Variants in OGDH observed in about 807,000 individuals in gnomAD.
OGDH encodes oxoglutarate dehydrogenase.
In OGDH, 38 loss-of-function variants were observed where a neutral mutation model predicts 116.6. The observed-to-expected ratio is 0.33, with a 90% CI of 0.25 to 0.43. The LOEUF (loss-of-function observed/expected upper bound fraction) is 0.43, where lower values mean the gene tolerates loss of function less well. Among genes scored for constraint, OGDH ranks in the 20% least tolerant of loss-of-function variants. The probability of loss-of-function intolerance (pLI) is 1.00; values close to 1 mark genes in which losing one functional copy is unlikely to be tolerated. For synonymous variants in OGDH, 488 were observed against 533.3 expected (o/e 0.92, Z 1.17); for missense variants, 825 against 1,357.2 (o/e 0.61, Z 6.16).
chr7:44,623,791 A>T (rs564806813), intron 1 of OGDH, among the ~76,000 whole-genome samples: 80 of 152,248 alleles, frequency 5.3e-4, no homozygotes, highest in African/African-American at 1.9e-3. Context: ...GTCTACAGGC[A>T]TGCACCACCA....
intron 2 of OGDH, among the ~76,000 whole-genome samples, chr7:44,634,294 G>A (rs537903048): frequency 3.0e-4 from 45 of 152,328 alleles, no homozygotes; most frequent in African/African-American, 1.0e-3. Flanking sequence ...TACTCCCCAC[G>A]CCATTACCTT....
At chr7:44,696,616 G>C (rs1788592280) in intron 14 of OGDH, 59 bp downstream of exon 14, 1 of 1,600,320 alleles carries the variant, frequency 6.2e-7, no homozygotes, top group East Asian at 2.2e-5. Context: ...GGCGACGACT[G>C]TCTAGGACTG....
intron 8 of OGDH, 25 bp downstream of exon 8, chr7:44,675,293 TC>T: frequency 6.3e-7 from 1 of 1,590,198 alleles, no homozygotes; most frequent in Non-Finnish European, 8.6e-7. Context: ...TAGAGACACA[TC>T]CAGCATAGCC....
At chr7:44,668,522 G>A (rs1406567596) in intron 5 of OGDH, among the ~76,000 whole-genome samples, 1 of 152,220 alleles carries the variant, frequency 6.6e-6, no homozygotes, top group East Asian at 1.9e-4. Context: ...CAGCATCTCA[G>A]CTTGGAGCTG....
intron 2 of OGDH, among the ~76,000 whole-genome samples, chr7:44,644,808 TCAC>T (rs1198363033): frequency 1.3e-5 from 2 of 152,224 alleles, no homozygotes; most frequent in African/African-American, 4.8e-5. Context: ...CCTGGGCTCT[TCAC>T]AGGTTGTGCT....
At position 44,695,119 on chromosome 7, in the gene OGDH, G is replaced by A. The variant is rs140501347; in HGVS notation, c.1668+543G>A. Among the ~76,000 whole-genome samples the A allele has an allele frequency of 9.6e-3, 1,457 of 151,906 alleles. 31 individuals are homozygous for A. Among genetic ancestry groups the A allele is most frequent in the African/African-American group, 0.033 (1,382 of 41,434 alleles). On this transcript the variant is annotated intron_variant, in intron 12 of 22. Transcript: ENST00000222673. Reference sequence around the variant, plus strand: ...TTTGTTTTGTTTTGTTTTTTGAGACGGAGTCTAGCTCTGTCACCCAGGCTG... The same window carrying A: ...TTTGTTTTGTTTTGTTTTTTGAGACAGAGTCTAGCTCTGTCACCCAGGCTG...
chr7:44,627,140 G>A (rs1272361506), intron 2 of OGDH, among the ~76,000 whole-genome samples: 1 of 152,112 alleles, frequency 6.6e-6, no homozygotes, highest in Non-Finnish European at 1.5e-5. Context: ...GGGATTACAG[G>A]CCTGTGCCAC....
In OGDH at chr7:44,700,151, A is replaced by G; in HGVS notation, c.2441A>G (p.Glu814Gly). 1 of 1,614,152 alleles carries G rather than the reference A, an allele frequency of 6.2e-7. No homozygotes were observed. The highest frequency in any genetic ancestry group is 8.5e-7 in the Non-Finnish European group (1 of 1,180,014). Residue 814 changes from glutamate (E) to glycine (G), a missense_variant, in exon 19 of 23, where the codon GAA (glutamate) becomes GGA (glycine). By Grantham distance (98) the Glu-to-Gly change is moderately conservative (BLOSUM62 -2). Transcript: ENST00000222673. ...DDPDVLPDLK[E>G]ANFDINQLYD... ...CCTTCCCTGCTGCAGGACCTTAAAG[A>G]AGCCAACTTCGACATCAATCAGCTA...
At chr7:44,681,664 T>C in intron 9 of OGDH, 56 bp from the exon 10 acceptor site, 1 of 1,580,702 alleles carries the variant, frequency 6.3e-7, no homozygotes, top group South Asian at 1.1e-5. Context: ...TCTGTTTACC[T>C]TGTGGACTTG....
chr7:44,623,715 G>A lies in OGDH; in HGVS notation c.-27-602G>A, dbSNP rs1295022. ...GGCTGGAGTGCAGTGGTGCAATCTC[G>A]GCTCACTGCAGCCTCCACCTACCAG... On this transcript the variant is annotated intron_variant, in intron 1 of 22. Transcript: ENST00000222673. 3.5e-3 allele frequency among the ~76,000 whole-genome samples: 464 copies of A among 132,814 alleles called. 1 individual carries two copies. Among genetic ancestry groups the A allele is most frequent in the African/African-American group, 0.011 (453 of 39,522 alleles). The allele number at this position is 132,814 out of a possible 152,430, so 87.1% of individuals were successfully genotyped here.
chr7:44,659,060 A>C (rs947649159), intron 4 of OGDH, among the ~76,000 whole-genome samples: 69 of 151,506 alleles, frequency 4.6e-4, no homozygotes, highest in African/African-American at 1.6e-3. Flanking sequence ...CTGGTCTAGA[A>C]CTCCCGACCT....
intron 4 of OGDH, among the ~76,000 whole-genome samples, chr7:44,653,462 G>A (rs765176931): frequency 6.6e-5 from 10 of 152,078 alleles, no homozygotes; most frequent in Non-Finnish European, 1.2e-4. Flanking sequence ...TGTGGTTTCG[G>A]TATAAATTCT....
At chr7:44,608,303 G>A (rs989347005) in intron 1 of OGDH, among the ~76,000 whole-genome samples, 1 of 152,134 alleles carries the variant, frequency 6.6e-6, no homozygotes, top group Non-Finnish European at 1.5e-5. Flanking sequence ...AACTACTCAG[G>A]AGGCTGAGGC....
At chr7:44,636,554 T>C (rs1361955112) in intron 2 of OGDH, among the ~76,000 whole-genome samples, 2 of 152,278 alleles carry the variant, frequency 1.3e-5, no homozygotes, top group Non-Finnish European at 2.9e-5. Context: ...GAAAGGAGGC[T>C]GAATATCATC....
Position 44,647,738 on chromosome 7 carries a change from A to G in OGDH, c.496A>G (p.Ile166Val), listed in dbSNP as rs777249411. 4 of 1,614,000 alleles carry G rather than the reference A, an allele frequency of 2.5e-6. No homozygotes were observed. In the East Asian group the frequency reaches 8.9e-5, roughly 36 times the overall value. ...GGACTCCTCCGTGCCCGCTGACATTATCTCATCCACAGACAAACTTGGTGA... is the reference window on the plus strand; with the variant it reads ...GGACTCCTCCGTGCCCGCTGACATTGTCTCATCCACAGACAAACTTGGTGA... The part of the protein sequence containing the change: ...DLDSSVPADI[I>V]SSTDKLGFYG... The change falls in exon 4 of 23, where the codon ATC (isoleucine) becomes GTC (valine). Residue 166 changes from isoleucine to valine, a missense_variant. Around this residue, in one of 7 missense-constraint regions of OGDH, gnomAD observed 171 missense variants for 276.8 expected, o/e 0.62. Coordinates refer to ENST00000222673, the MANE Select transcript of OGDH (RefSeq NM_002541.4).
chr7:44,616,488 C>T (rs1784773867), intron 1 of OGDH, among the ~76,000 whole-genome samples: 1 of 151,976 alleles, frequency 6.6e-6, no homozygotes, highest in African/African-American at 2.4e-5. Context: ...TGGAGACAGC[C>T]TACTAATGTT....
At chr7:44,701,486 T>C (rs1047032765) in intron 19 of OGDH, 57 bp from the exon 20 acceptor site, 15 of 1,525,270 alleles carry the variant, frequency 9.8e-6, no homozygotes, top group East Asian at 2.3e-5. Flanking sequence ...GCTTTTGACC[T>C]TCCTTCTGGA....
chr7:44,635,156 C>T (rs111577048), intron 2 of OGDH, among the ~76,000 whole-genome samples: 1 of 152,144 alleles, frequency 6.6e-6, no homozygotes, highest in Non-Finnish European at 1.5e-5. Flanking sequence ...CTTACAGCAG[C>T]GCCGGCTGAA....
chr7:44,664,447 A>C (rs1787092562), intron 4 of OGDH, among the ~76,000 whole-genome samples: 1 of 152,158 alleles, frequency 6.6e-6, no homozygotes, highest in African/African-American at 2.4e-5. Context: ...TTTTTGTCTA[A>C]AAGTTTTTTG....
Sources: allele counts gnomAD v4.1 joint callset (sites outside exome capture counted in the v4.1 genomes callset), GRCh38; gene constraint gnomAD v4.1.1; regional missense constraint gnomAD v4.1.1; transcripts MANE v1.5; gene names NCBI Gene and HGNC (gene_info 2026-07-23, HGNC 2026-07-21).